Variants in SMOC2 observed in about 807,000 individuals in gnomAD.
The protein encoded by SMOC2 is SPARC related modular calcium binding 2.
Under a neutral mutation model 61.4 loss-of-function variants are expected in SMOC2, and 39 were observed. The ratio of observed to expected loss-of-function variants is 0.64; its 90% confidence interval spans 0.49 to 0.83. SMOC2 has a LOEUF of 0.83. Among genes scored for constraint, SMOC2 ranks in the 40% least tolerant of loss-of-function variants. The probability of loss-of-function intolerance (pLI) is 0.00; values close to 1 mark genes in which losing one functional copy is unlikely to be tolerated. For synonymous variants in SMOC2, 247 were observed against 239.9 expected (o/e 1.03, Z -0.27); for missense variants, 556 against 592.9 (o/e 0.94, Z 0.65).
At position 168,486,042 on chromosome 6, in the gene SMOC2, G is replaced by A. The variant is rs190808541; in HGVS notation, c.85-23873G>A. 1.6e-4 allele frequency among the ~76,000 whole-genome samples: 24 copies of A among 152,250 alleles called. No homozygotes were observed. In the East Asian group the frequency reaches 4.1e-3, roughly 26 times the overall value. ...TCCTCTGCTGCTTCTCTTTTGCATC[G>A]TTGTGTACCGTTCGTACGGTTCCTG... On this transcript the variant is annotated intron_variant, in intron 1 of 12. Transcript: ENST00000356284.
chr6:168,629,191 A>G (rs1412047303), intron 9 of SMOC2, among the ~76,000 whole-genome samples: 1 of 152,250 alleles, frequency 6.6e-6, no homozygotes, highest in Non-Finnish European at 1.5e-5. Context: ...CTGGTTCTCC[A>G]GAAGGAGCCA....
chr6:168,662,243 G>A (rs553580514), intron 11 of SMOC2, among the ~76,000 whole-genome samples: 2 of 152,348 alleles, frequency 1.3e-5, no homozygotes, highest in South Asian at 4.1e-4. Context: ...TTATACTTTG[G>A]TGTGGAAGCG....
At chr6:168,601,878 C>T (rs1051103411) in intron 8 of SMOC2, among the ~76,000 whole-genome samples, 1 of 152,184 alleles carries the variant, frequency 6.6e-6, no homozygotes, top group Non-Finnish European at 1.5e-5. Context: ...GGCTTCATTC[C>T]GCTGTCATGG....
intron 9 of SMOC2, among the ~76,000 whole-genome samples, chr6:168,617,675 C>T (rs1786129363): frequency 6.6e-6 from 1 of 152,166 alleles, no homozygotes; most frequent in Non-Finnish European, 1.5e-5. Flanking sequence ...GATTCTGATC[C>T]CCATCCATGC....
intron 7 of SMOC2, among the ~76,000 whole-genome samples, chr6:168,559,094 C>T (rs138614363): frequency 1.1e-3 from 173 of 152,318 alleles, no homozygotes; most frequent in Non-Finnish European, 2.0e-3. Context: ...TTTGTGTCGT[C>T]GTGATTACAG....
intron 7 of SMOC2, among the ~76,000 whole-genome samples, chr6:168,582,455 G>A (rs1194936919): frequency 6.6e-6 from 1 of 152,182 alleles, no homozygotes; most frequent in Non-Finnish European, 1.5e-5. Flanking sequence ...GGGGTCTTGG[G>A]GTCACCGCTG....
chr6:168,619,392 T>A (rs1786188240), intron 9 of SMOC2, among the ~76,000 whole-genome samples: 2 of 152,218 alleles, frequency 1.3e-5, no homozygotes, highest in Admixed American at 1.3e-4. Context: ...AGAGACAATT[T>A]AAATAACTTG....
intron 1 of SMOC2, among the ~76,000 whole-genome samples, chr6:168,457,054 C>A (rs1781602452): frequency 6.6e-6 from 1 of 152,184 alleles, no homozygotes; most frequent in Non-Finnish European, 1.5e-5. Context: ...CTCCTTCTGG[C>A]AAACTGTGCA....
intron 2 of SMOC2, among the ~76,000 whole-genome samples, chr6:168,523,974 A>G (rs1783396653): frequency 1.3e-5 from 2 of 152,200 alleles, no homozygotes; most frequent in South Asian, 4.1e-4. Context: ...TGGAAATAGT[A>G]TAATTTTGAG....
At chr6:168,636,528 A>G (rs1786724985) in intron 9 of SMOC2, among the ~76,000 whole-genome samples, 1 of 152,248 alleles carries the variant, frequency 6.6e-6, no homozygotes, top group South Asian at 2.1e-4. Context: ...TCTATATTTA[A>G]ACATGTACCA....
At chr6:168,576,691 T>A (rs900972249) in intron 7 of SMOC2, among the ~76,000 whole-genome samples, 3 of 151,920 alleles carry the variant, frequency 2.0e-5, no homozygotes, top group African/African-American at 7.3e-5. Context: ...TCCGAGTCCT[T>A]GGGGTGGAAG....
At chr6:168,643,812 G>A (rs989364017) in intron 9 of SMOC2, among the ~76,000 whole-genome samples, 2 of 152,228 alleles carry the variant, frequency 1.3e-5, no homozygotes, top group African/African-American at 2.4e-5. Context: ...AGACACTGAT[G>A]TGCTGATTAG....
intron 7 of SMOC2, among the ~76,000 whole-genome samples, chr6:168,563,811 G>A (rs1784480156): frequency 6.6e-6 from 1 of 152,110 alleles, no homozygotes; most frequent in Admixed American, 6.5e-5. Flanking sequence ...ATAAGCCACG[G>A]AGCACAGCAG....
intron 1 of SMOC2, among the ~76,000 whole-genome samples, chr6:168,497,366 G>A (rs1478203831): frequency 6.6e-6 from 1 of 152,248 alleles, no homozygotes; most frequent in African/African-American, 2.4e-5. Flanking sequence ...CTCTGCACCT[G>A]CCCCCAGGCG....
At chr6:168,471,991 C>T (rs961136943) in intron 1 of SMOC2, among the ~76,000 whole-genome samples, 6 of 152,144 alleles carry the variant, frequency 3.9e-5, no homozygotes, top group African/African-American at 4.8e-5. Flanking sequence ...TCTCCCACTC[C>T]GTGTGTGCGT....
chr6:168,652,715 T>C (rs1562405973), intron 10 of SMOC2, among the ~76,000 whole-genome samples: 1 of 152,236 alleles, frequency 6.6e-6, no homozygotes, highest in Non-Finnish European at 1.5e-5. Flanking sequence ...AGTGCATCTT[T>C]GCTGGGCACA....
At chr6:168,557,336 C>G (rs749333149) in intron 7 of SMOC2, among the ~76,000 whole-genome samples, 1 of 151,886 alleles carries the variant, frequency 6.6e-6, no homozygotes, top group Non-Finnish European at 1.5e-5. Context: ...ATTAACTTAC[C>G]AAAAATATGC....
At chr6:168,652,898 C>A in intron 10 of SMOC2, 56 bp from the exon 11 acceptor site, 1 of 1,560,512 alleles carries the variant, frequency 6.4e-7, no homozygotes, top group Non-Finnish European at 8.7e-7. Flanking sequence ...GGACAGTGGC[C>A]AGGAAGGAGC....
intron 8 of SMOC2, among the ~76,000 whole-genome samples, chr6:168,606,268 A>G (rs1450605734): frequency 2.0e-5 from 3 of 152,214 alleles, no homozygotes; most frequent in South Asian, 2.1e-4. Context: ...GCTGACCCCC[A>G]CCCCCACATT....
Sources: gnomAD v4.1 joint callset for allele counts (sites outside exome capture counted in the v4.1 genomes callset) on GRCh38, gnomAD v4.1.1 for gene constraint, MANE v1.5 for transcripts, NCBI Gene and HGNC (gene_info 2026-07-23, HGNC 2026-07-21) for gene names.